Variants in PCDH9 observed in about 807,000 individuals in gnomAD.
PCDH9 encodes the protein protocadherin 9.
In PCDH9, 24 loss-of-function variants were observed where a neutral mutation model predicts 70.6. That is an observed-to-expected ratio of 0.34 (90% confidence interval 0.25 to 0.48). The LOEUF is 0.48. PCDH9 is among the 20% of genes least tolerant of loss of function. The pLI is 0.99. For synonymous variants in PCDH9, 562 were observed against 558.5 expected, an observed-to-expected ratio of 1.01 and a Z score of -0.09; for missense variants, 1,281 against 1,503.6, an observed-to-expected ratio of 0.85 and a Z score of 2.45.
At chr13:66,690,906 C>A (rs1480184328) in intron 3 of PCDH9, among the ~76,000 whole-genome samples, 1 of 152,156 alleles carries the variant, frequency 6.6e-6, no homozygotes, top group Non-Finnish European at 1.5e-5. Flanking sequence ...TCATGAACTG[C>A]CAGCAGTGTC....
intron 2 of PCDH9, among the ~76,000 whole-genome samples, chr13:66,943,630 C>T (rs2083041435): frequency 6.6e-6 from 1 of 151,956 alleles, no homozygotes; most frequent in Non-Finnish European, 1.5e-5. Flanking sequence ...CAAGTTACAG[C>T]TTTTCTCTGG....
At chr13:66,925,636 A>G (rs1220611008) in intron 2 of PCDH9, among the ~76,000 whole-genome samples, 2 of 151,836 alleles carry the variant, frequency 1.3e-5, no homozygotes, top group Non-Finnish European at 1.5e-5. Context: ...CTTTATTCAT[A>G]TTGCATATTA....
intron 2 of PCDH9, among the ~76,000 whole-genome samples, chr13:67,085,636 A>T (rs2086092128): frequency 6.6e-6 from 1 of 152,184 alleles, no homozygotes; most frequent in Non-Finnish European, 1.5e-5. Flanking sequence ...ACAGAGAGAG[A>T]CAAGTTATTG....
chr13:66,971,248 G>A (rs989780043), intron 2 of PCDH9, among the ~76,000 whole-genome samples: 3 of 151,988 alleles, frequency 2.0e-5, no homozygotes, highest in African/African-American at 7.2e-5. Flanking sequence ...AAGGATACAC[G>A]ATTGTGTTAT....
intron 2 of PCDH9, among the ~76,000 whole-genome samples, chr13:67,106,923 G>A (rs2086557228): frequency 6.6e-6 from 1 of 152,170 alleles, no homozygotes; most frequent in Non-Finnish European, 1.5e-5. Context: ...CTGCAGCCTT[G>A]GCCCCCTGTG....
intron 2 of PCDH9, among the ~76,000 whole-genome samples, chr13:67,107,157 C>A (rs896530640): frequency 1.3e-5 from 2 of 151,926 alleles, no homozygotes; most frequent in African/African-American, 2.4e-5. Flanking sequence ...GACCAGGCAG[C>A]CCCAAATGAG....
chr13:66,451,930 G>A (rs1173555821), intron 4 of PCDH9, among the ~76,000 whole-genome samples: 3 of 152,142 alleles, frequency 2.0e-5, no homozygotes, highest in Non-Finnish European at 4.4e-5. Context: ...CTTTTGATAT[G>A]TTAACAATAT....
In PCDH9 at chr13:66,571,805, T is replaced by C. The variant is rs573330376; in HGVS notation, c.3340+59405A>G. ...TTGGGCAAAAATTAACATTTTTCTTTTTCTAGTCTCAGTCCAACATTGCAT... is the reference window on the plus strand; with the variant it reads ...TTGGGCAAAAATTAACATTTTTCTTCTTCTAGTCTCAGTCCAACATTGCAT... On this transcript the variant is annotated intron_variant, in intron 4 of 4. Transcript: ENST00000377865. Among the ~76,000 whole-genome samples, 18 of 152,236 alleles carry C rather than the reference T, an allele frequency of 1.2e-4. No individual in the cohort carries two copies. The South Asian group carries it at 3.7e-3, about 32-fold the overall frequency.
At chr13:66,444,824 G>A (rs1958040929) in intron 4 of PCDH9, among the ~76,000 whole-genome samples, 1 of 151,986 alleles carries the variant, frequency 6.6e-6, no homozygotes, top group South Asian at 2.1e-4. Context: ...GCCTCCCAAA[G>A]TGCTGGGATT....
chr13:67,042,383 A>C (rs1487821260), intron 2 of PCDH9, among the ~76,000 whole-genome samples: 1 of 152,198 alleles, frequency 6.6e-6, no homozygotes, highest in Non-Finnish European at 1.5e-5. Flanking sequence ...TTCACAAGGC[A>C]GCAGGAAGGA....
chr13:67,143,034 A>G (rs894574364), intron 2 of PCDH9, among the ~76,000 whole-genome samples: 43 of 152,004 alleles, frequency 2.8e-4, no homozygotes, highest in Non-Finnish European at 5.6e-4. Flanking sequence ...AAAATAAGAA[A>G]GAAAGAAAGA....
At chr13:66,331,749 A>G (rs992390594) in intron 4 of PCDH9, among the ~76,000 whole-genome samples, 1 of 152,210 alleles carries the variant, frequency 6.6e-6, no homozygotes, top group African/African-American at 2.4e-5. Flanking sequence ...TTTAGTGGCA[A>G]TAAATGAGTA....
At chr13:66,379,598 C>T (rs1264208087) in intron 4 of PCDH9, among the ~76,000 whole-genome samples, 4 of 152,082 alleles carry the variant, frequency 2.6e-5, no homozygotes, top group Non-Finnish European at 5.9e-5. Flanking sequence ...CTGCAGGACA[C>T]CACAGACCAA....
chr13:67,132,577 T>A (rs547916038), intron 2 of PCDH9, among the ~76,000 whole-genome samples: 21 of 152,172 alleles, frequency 1.4e-4, no homozygotes, highest in South Asian at 1.2e-3. Context: ...TAACATATAG[T>A]TCATAGCAAC....
chr13:66,862,395 C>T (rs540320031), intron 3 of PCDH9, among the ~76,000 whole-genome samples: 3 of 152,222 alleles, frequency 2.0e-5, no homozygotes, highest in South Asian at 2.1e-4. Flanking sequence ...TTTTCAGAAT[C>T]GAGAAATTGA....
intron 3 of PCDH9, among the ~76,000 whole-genome samples, chr13:66,834,719 T>A (rs755902525): frequency 4.6e-5 from 7 of 152,178 alleles, no homozygotes; most frequent in Non-Finnish European, 8.8e-5. Flanking sequence ...GAACACTCTA[T>A]GAAAAGAAAT....
intron 2 of PCDH9, among the ~76,000 whole-genome samples, chr13:66,937,441 TA>T (rs2082935312): frequency 6.6e-6 from 1 of 152,258 alleles, no homozygotes. Flanking sequence ...TGAAGTTATA[TA>T]TTTCTTCTTT....
chr13:66,641,408 G>C (rs2077707048), intron 3 of PCDH9, among the ~76,000 whole-genome samples: 1 of 152,198 alleles, frequency 6.6e-6, no homozygotes, highest in African/African-American at 2.4e-5. Context: ...TTTGTATGGA[G>C]AAAGTGCATG....
chr13:66,725,196 A>G (rs1310513913), intron 3 of PCDH9, among the ~76,000 whole-genome samples: 1 of 152,192 alleles, frequency 6.6e-6, no homozygotes, highest in Non-Finnish European at 1.5e-5. Context: ...CTAATTCAAC[A>G]GCAAATTCTG....
Sources: gnomAD v4.1 joint callset for allele counts (sites outside exome capture counted in the v4.1 genomes callset) on GRCh38, gnomAD v4.1.1 for gene constraint, MANE v1.5 for transcripts, NCBI Gene and HGNC (gene_info 2026-07-23, HGNC 2026-07-21) for gene names.